The following PTPRD variants were observed in gnomAD, a reference collection of about 807,000 sequenced individuals.
PTPRD encodes protein tyrosine phosphatase receptor type D.
A neutral mutation model predicts 214.5 loss-of-function variants in PTPRD; 34 were observed. The observed-to-expected ratio is 0.16, with a 90% CI of 0.12 to 0.21. PTPRD has a LOEUF of 0.21. Ranked by LOEUF, PTPRD falls within the 10% of genes least tolerant of loss-of-function variation. The pLI is 1.00. For missense variants in PTPRD, 2,545 were observed against 2,398.7 expected, an observed-to-expected ratio of 1.06 and a Z score of -1.27; for synonymous variants, 1,128 against 845.7, an observed-to-expected ratio of 1.33 and a Z score of -5.79.
intron 6 of PTPRD, among the ~76,000 whole-genome samples, chr9:9,743,055 T>C (rs71497153): frequency 6.6e-6 from 1 of 152,184 alleles, no homozygotes; most frequent in Non-Finnish European, 1.5e-5. Flanking sequence ...ATTTATCTTG[T>C]CCTTTCAGTT....
chr9:9,347,401 T>C (rs1204207525), intron 9 of PTPRD, among the ~76,000 whole-genome samples: 1 of 151,632 alleles, frequency 6.6e-6, no homozygotes, highest in East Asian at 1.9e-4. Flanking sequence ...TTTAACACAA[T>C]GGTCAAAATG....
rs1413231077 is a variant in PTPRD, at chr9:8,492,880, C to G, written c.2449G>C (p.Val817Leu). Reference protein sequence around the residue: ...GDGARSKPKLVSTTGAVPGKP... With the variant: ...GDGARSKPKLLSTTGAVPGKP... ...TGATTACCTGCCCCAGTGGTGGACA[C>G]CAGTTTGGGCTTGCTGCGAGCACCA... The change falls in exon 27 of 46, where the codon GTG (valine) becomes CTG (leucine). Residue 817 changes from valine to leucine, a missense_variant. Val to Leu is a conservative substitution (Grantham distance 32). Coordinates refer to ENST00000381196, the MANE Select transcript of PTPRD (RefSeq NM_002839.4). 6.2e-7 allele frequency: 1 copy of G among 1,613,534 alleles called. No homozygotes were observed. The highest frequency in any genetic ancestry group is 8.5e-7 in the Non-Finnish European group (1 of 1,179,580).
intron 14 of PTPRD, among the ~76,000 whole-genome samples, chr9:8,535,552 C>A (rs2076722568): frequency 6.6e-6 from 1 of 151,882 alleles, no homozygotes. Flanking sequence ...ACTGAAAACA[C>A]TGGAACCAAC....
At chr9:9,497,240 T>G (rs1283163849) in intron 8 of PTPRD, among the ~76,000 whole-genome samples, 1 of 152,184 alleles carries the variant, frequency 6.6e-6, no homozygotes, top group Non-Finnish European at 1.5e-5. Flanking sequence ...ATGGTTAGGA[T>G]AGTAACTTTT....
At chr9:8,361,145 T>C (rs1463572735) in intron 39 of PTPRD, among the ~76,000 whole-genome samples, 6 of 152,186 alleles carry the variant, frequency 3.9e-5, no homozygotes, top group Admixed American at 2.0e-4. Context: ...AAAACTTAGA[T>C]TGGTAAAACT....
rs1442337056 is a variant in PTPRD, at chr9:9,564,760, G to C, written c.-237+9972C>G. ...AATTGTTTTTCCTAACTCTAGTTCA[G>C]TGACTGTCTTTGGATTTATTAGCAC... On this transcript the variant is annotated intron_variant, in intron 8 of 45. Coordinates refer to ENST00000381196, the MANE Select transcript of PTPRD (RefSeq NM_002839.4). 2.0e-5 allele frequency among the ~76,000 whole-genome samples: 3 copies of C among 151,724 alleles called. No homozygotes were observed. The East Asian group carries it at 5.8e-4, about 29-fold the overall frequency.
At chr9:9,536,315 G>C (rs1390975095) in intron 8 of PTPRD, among the ~76,000 whole-genome samples, 2 of 151,850 alleles carry the variant, frequency 1.3e-5, no homozygotes, top group South Asian at 4.1e-4. Flanking sequence ...CTCAAAAATG[G>C]GTATGCTTAC....
intron 2 of PTPRD, among the ~76,000 whole-genome samples, chr9:10,596,769 A>G (rs2076717997): frequency 6.6e-6 from 1 of 151,560 alleles, no homozygotes; most frequent in East Asian, 1.9e-4. Flanking sequence ...TATATATGTG[A>G]GAACTGGCTA....
At chr9:9,493,811 G>C (rs905182234) in intron 8 of PTPRD, among the ~76,000 whole-genome samples, 3 of 126,026 alleles carry the variant, frequency 2.4e-5, no homozygotes, top group Non-Finnish European at 5.1e-5. Flanking sequence ...AAAAAAAAAA[G>C]AAAAGAAAAG....
At chr9:9,654,048 A>G (rs1346385552) in intron 7 of PTPRD, among the ~76,000 whole-genome samples, 1 of 152,176 alleles carries the variant, frequency 6.6e-6, no homozygotes, top group Non-Finnish European at 1.5e-5. Context: ...TCACAAGACC[A>G]CTGTCTTAGA....
chr9:9,046,117 A>C (rs573965977), intron 10 of PTPRD, among the ~76,000 whole-genome samples: 7 of 152,298 alleles, frequency 4.6e-5, no homozygotes, highest in African/African-American at 1.7e-4. Context: ...TTTATTATCT[A>C]TATCTTTCAG....
chr9:10,044,406 T>C (rs981343943), intron 3 of PTPRD, among the ~76,000 whole-genome samples: 1 of 151,784 alleles, frequency 6.6e-6, no homozygotes, highest in African/African-American at 2.4e-5. Flanking sequence ...CCCAGGATAA[T>C]ATGTTTTCAG....
intron 8 of PTPRD, among the ~76,000 whole-genome samples, chr9:9,519,756 T>C (rs922358495): frequency 2.6e-5 from 4 of 152,026 alleles, no homozygotes; most frequent in African/African-American, 9.7e-5. Context: ...AAAGACTCAA[T>C]ATTATCAAAA....
chr9:10,569,478 T>A (rs556285911), intron 2 of PTPRD, among the ~76,000 whole-genome samples: 66 of 152,132 alleles, frequency 4.3e-4, no homozygotes, highest in African/African-American at 1.5e-3. Context: ...TTACTAAAAT[T>A]CATCCTGTAT....
intron 30 of PTPRD, among the ~76,000 whole-genome samples, chr9:8,479,693 T>C (rs549655514): frequency 1.4e-3 from 216 of 152,320 alleles, no homozygotes; most frequent in African/African-American, 4.9e-3. Context: ...AGCAACACAA[T>C]TTGGTGAACA....
At chr9:8,324,396 C>T (rs982384279) in intron 44 of PTPRD, among the ~76,000 whole-genome samples, 9 of 152,082 alleles carry the variant, frequency 5.9e-5, no homozygotes, top group African/African-American at 2.2e-4. Context: ...TGATGGTTTC[C>T]AGCTTCATCC....
At chr9:10,482,843 T>C (rs1392631206) in intron 2 of PTPRD, among the ~76,000 whole-genome samples, 1 of 152,154 alleles carries the variant, frequency 6.6e-6, no homozygotes, top group Non-Finnish European at 1.5e-5. Flanking sequence ...ATCAATATTG[T>C]GGAAATGACC....
intron 11 of PTPRD, among the ~76,000 whole-genome samples, chr9:8,934,401 G>GTT (rs1306126958): frequency 0.13 from 5,493 of 43,142 alleles, 695 homozygotes; most frequent in African/African-American, 0.38. Context: ...TTATGTGTGT[G>GTT]TGTGTGTGTG....
intron 12 of PTPRD, among the ~76,000 whole-genome samples, chr9:8,688,445 G>T (rs1338245162): frequency 6.6e-6 from 1 of 151,876 alleles, no homozygotes; most frequent in Non-Finnish European, 1.5e-5. Flanking sequence ...GGCGCCTGTA[G>T]TCCCAGCTAC....
Sources: allele counts gnomAD v4.1 joint callset (sites outside exome capture counted in the v4.1 genomes callset), GRCh38; gene constraint gnomAD v4.1.1; transcripts MANE v1.5; gene names NCBI Gene and HGNC (gene_info 2026-07-23, HGNC 2026-07-21).